FUT8: variants seen among roughly 807,000 people sequenced by gnomAD.
FUT8 encodes the protein alpha-(1,6)-fucosyltransferase.
In FUT8, 29 loss-of-function variants were observed where a neutral mutation model predicts 71.3. The ratio of observed to expected loss-of-function variants is 0.41; its 90% confidence interval spans 0.30 to 0.55. FUT8 has a LOEUF of 0.55. Among genes scored for constraint, FUT8 ranks in the 20% least tolerant of loss-of-function variants. FUT8 has a pLI of 0.34. For missense variants in FUT8, 544 were observed against 702.1 expected (o/e 0.77, Z 2.55); for synonymous variants, 254 against 239.3 (o/e 1.06, Z -0.57).
intron 10 of FUT8, among the ~76,000 whole-genome samples, chr14:65,739,699 C>A (rs1896396209): frequency 6.6e-6 from 1 of 151,976 alleles, no homozygotes; most frequent in Admixed American, 6.6e-5. Flanking sequence ...TGTCTTTGGT[C>A]TTATGCTATA....
intron 9 of FUT8, among the ~76,000 whole-genome samples, chr14:65,724,606 C>A (rs958958531): frequency 6.6e-6 from 1 of 152,184 alleles, no homozygotes; most frequent in East Asian, 1.9e-4. Flanking sequence ...CACCCTACTT[C>A]TTGGTACTAA....
At chr14:65,384,742 C>T in the FUT8 span, among the ~76,000 whole-genome samples, 32 of 152,302 alleles carry the variant, frequency 2.1e-4, no homozygotes, top group Middle Eastern at 6.8e-3. This position sits in a 1 kb window ranked among gnomAD's most constrained non-coding sequence, Gnocchi z 4.2. Flanking sequence ...ATCACCTTCT[C>T]AGCCTCTGTC....
intron 2 of FUT8, among the ~76,000 whole-genome samples, chr14:65,521,633 G>C (rs144184305): frequency 5.4e-4 from 82 of 152,294 alleles, no homozygotes; most frequent in African/African-American, 1.9e-3. Flanking sequence ...TTGAGTGCAG[G>C]CTCTGCATAT....
chr14:65,527,095 T>G (rs1883531828), intron 2 of FUT8, among the ~76,000 whole-genome samples: 1 of 152,214 alleles, frequency 6.6e-6, no homozygotes. Flanking sequence ...ATTTCCTGAA[T>G]TTGAATGTTG....
chr14:65,675,835 C>CA (rs55685826), intron 7 of FUT8, among the ~76,000 whole-genome samples: 57,624 of 144,688 alleles, frequency 0.4, 12,170 homozygotes, highest in Non-Finnish European at 0.5. Context: ...ACTAAAAATA[C>CA]AAAAAAAAAA....
At chr14:65,403,522 A>T in the FUT8 span, among the ~76,000 whole-genome samples, 3 of 152,244 alleles carry the variant, frequency 2.0e-5, no homozygotes, top group Admixed American at 2.0e-4. Context: ...ATCAAGACAG[A>T]TAGGCAGGAT....
At chr14:65,733,189 T>C in intron 9 of FUT8, 42 bp from the exon 10 acceptor site, 1 of 1,313,874 alleles carries the variant, frequency 7.6e-7, no homozygotes, top group Non-Finnish European at 1.1e-6. Flanking sequence ...GATAGGATAC[T>C]GTGATATCTA....
chr14:65,414,350 A>T (rs947131411), intron 1 of FUT8, among the ~76,000 whole-genome samples: 18 of 152,048 alleles, frequency 1.2e-4, no homozygotes, highest in Non-Finnish European at 1.9e-4. Context: ...ATGTTTTATG[A>T]CTAATTCTTT....
intron 1 of FUT8, among the ~76,000 whole-genome samples, chr14:65,427,509 A>T (rs1446820658): frequency 1.3e-5 from 2 of 151,852 alleles, no homozygotes; most frequent in East Asian, 3.9e-4. Context: ...TGTGGTTTTG[A>T]TTTGCATTTT....
At chr14:65,434,092 T>C (rs534876758) in intron 1 of FUT8, among the ~76,000 whole-genome samples, 7 of 152,240 alleles carry the variant, frequency 4.6e-5, no homozygotes, top group South Asian at 2.1e-4. Context: ...ACTATTTTTG[T>C]TTCCTTAGAG....
chr14:65,704,237 A>G (rs1894449863), intron 7 of FUT8, among the ~76,000 whole-genome samples: 1 of 152,206 alleles, frequency 6.6e-6, no homozygotes, highest in Non-Finnish European at 1.5e-5. Context: ...TGACAGCTTC[A>G]TCCTGCGAGA....
At chr14:65,671,954 C>T (rs1892497499) in intron 7 of FUT8, among the ~76,000 whole-genome samples, 2 of 152,144 alleles carry the variant, frequency 1.3e-5, no homozygotes, top group Admixed American at 1.3e-4. Context: ...TCCTTTGTCA[C>T]CATTACTGTG....
chr14:65,532,587 GTTGT>G (rs765378774), intron 2 of FUT8, among the ~76,000 whole-genome samples: 29 of 152,222 alleles, frequency 1.9e-4, no homozygotes, highest in African/African-American at 6.0e-4. Flanking sequence ...CATTCTGTAG[GTTGT>G]TTGTTTTCTC....
chr14:65,557,628 G>A lies in FUT8; in HGVS notation c.-227-3709G>A, dbSNP rs1165113588. On this transcript the variant is annotated intron_variant, in intron 2 of 10. Coordinates refer to ENST00000673929, the MANE Select transcript of FUT8 (RefSeq NM_001371533.1). ...TTACAGGTGTGAGTCACTGTGCCCA[G>A]CCAATTTTGTCTCTTAAAAAAAAAA... 4.3e-5 allele frequency among the ~76,000 whole-genome samples: 6 copies of A among 140,206 alleles called. No homozygotes were observed. In the East Asian group the frequency reaches 8.1e-4, roughly 19 times the overall value. The allele number at this position is 140,206 out of a possible 152,430, so 92.0% of individuals were successfully genotyped here.
At chr14:65,688,080 A>C (rs1594897676) in intron 7 of FUT8, among the ~76,000 whole-genome samples, 1 of 152,152 alleles carries the variant, frequency 6.6e-6, no homozygotes, top group East Asian at 1.9e-4. Flanking sequence ...TAATCAGTGA[A>C]GTGATATTGA....
upstream of FUT8, chr14:65,412,050 G>T (rs2065134743): frequency 4.4e-6 from 2 of 456,620 alleles, no homozygotes. Flanking sequence ...TCTCTTTCCC[G>T]TACTAAATAA....
At chr14:65,720,340 C>G (rs1289965014) in intron 7 of FUT8, among the ~76,000 whole-genome samples, 1 of 150,656 alleles carries the variant, frequency 6.6e-6, no homozygotes, top group African/African-American at 2.4e-5. Flanking sequence ...TGTTGCCAGG[C>G]CTGGGACTTG....
intron 7 of FUT8, among the ~76,000 whole-genome samples, chr14:65,712,591 T>A (rs983950167): frequency 2.0e-5 from 3 of 152,038 alleles, no homozygotes; most frequent in Non-Finnish European, 4.4e-5. Flanking sequence ...ATTACAGGCA[T>A]GTGCCACCAC....
chr14:65,405,375 T>C, the FUT8 span, among the ~76,000 whole-genome samples: 1 of 152,156 alleles, frequency 6.6e-6, no homozygotes. Flanking sequence ...TATAGGAAGG[T>C]AAATCTGAAG....
Sources: allele counts gnomAD v4.1 joint callset (sites outside exome capture counted in the v4.1 genomes callset), GRCh38; gene constraint gnomAD v4.1.1; non-coding constraint Gnocchi (gnomAD v3.1); transcripts MANE v1.5; gene names NCBI Gene and HGNC (gene_info 2026-07-23, HGNC 2026-07-21).